Variants in CLSTN2 observed in about 807,000 individuals in gnomAD.
CLSTN2 encodes the protein calsyntenin-2.
A neutral mutation model predicts 101.2 loss-of-function variants in CLSTN2; 48 were observed. That is an observed-to-expected ratio of 0.47 (90% CI 0.38 to 0.60). The LOEUF is 0.60. Among genes scored for constraint, CLSTN2 ranks in the 20% least tolerant of loss-of-function variants. The pLI, the probability that CLSTN2 is intolerant of heterozygous loss-of-function variation, is 0.00. For missense variants in CLSTN2, 1,160 were observed against 1,238.2 expected, an observed-to-expected ratio of 0.94 and a Z score of 0.95; for synonymous variants, 481 against 463.6, an observed-to-expected ratio of 1.04 and a Z score of -0.48.
At chr3:140,245,892 A>G (rs1013891660) in intron 2 of CLSTN2, among the ~76,000 whole-genome samples, 2 of 152,176 alleles carry the variant, frequency 1.3e-5, no homozygotes, top group African/African-American at 4.8e-5. Context: ...AGTGTGGCCC[A>G]TGCTCTAGCC....
At chr3:140,459,804 C>T (rs1933516434) in intron 7 of CLSTN2, 35 bp downstream of exon 7, 1 of 1,606,500 alleles carries the variant, frequency 6.2e-7, no homozygotes, top group Non-Finnish European at 8.5e-7. Context: ...ACCCCTCCTA[C>T]CCCAGCAGCT....
chr3:140,398,365 T>C (rs2088205252), intron 2 of CLSTN2, among the ~76,000 whole-genome samples: 2 of 152,224 alleles, frequency 1.3e-5, no homozygotes, highest in African/African-American at 2.4e-5. Context: ...TTGGCTTTTT[T>C]CCCCTACATG....
intron 1 of CLSTN2, among the ~76,000 whole-genome samples, chr3:139,977,315 G>A (rs1027854852): frequency 1.7e-4 from 26 of 152,138 alleles, no homozygotes; most frequent in Admixed American, 2.0e-4. Context: ...AAGGAGGGAA[G>A]GAGAGGCCCC....
intron 2 of CLSTN2, among the ~76,000 whole-genome samples, chr3:140,397,713 A>G (rs1186194895): frequency 6.6e-6 from 1 of 152,174 alleles, no homozygotes; most frequent in African/African-American, 2.4e-5. Context: ...CCATCTCCTA[A>G]TACCTTCACT....
intron 2 of CLSTN2, among the ~76,000 whole-genome samples, chr3:140,229,888 A>T (rs879551792): frequency 5.9e-5 from 9 of 152,230 alleles, no homozygotes; most frequent in African/African-American, 2.2e-4. Context: ...AGCTTTTCTC[A>T]TACTCACAGT....
intron 2 of CLSTN2, among the ~76,000 whole-genome samples, chr3:140,325,861 A>G (rs1219603990): frequency 6.6e-6 from 1 of 152,220 alleles, no homozygotes; most frequent in Admixed American, 6.5e-5. Flanking sequence ...GCGTCAGGTT[A>G]TAAATGACCC....
At chr3:139,941,060 A>G (rs1935117910) in intron 1 of CLSTN2, among the ~76,000 whole-genome samples, 1 of 152,202 alleles carries the variant, frequency 6.6e-6, no homozygotes, top group Admixed American at 6.5e-5. Flanking sequence ...TTTTGTGATA[A>G]TACATGTTTA....
chr3:140,205,624 C>CCCG lies in CLSTN2; in HGVS notation c.232+29551_232+29552insCCG, dbSNP rs751826679. Reference sequence around the variant, plus strand: ...TGTTGTTTGGACCTGACCCGCCCCCCACCCACACACACACACAGCCACCTG... The same window carrying CCCG: ...TGTTGTTTGGACCTGACCCGCCCCCCCCGACCCACACACACACACAGCCACCTG... On this transcript the variant is annotated intron_variant, in intron 2 of 16. Coordinates refer to ENST00000458420, the MANE Select transcript of CLSTN2 (RefSeq NM_022131.3). Among the ~76,000 whole-genome samples, 4 of 108,246 alleles carry CCCG rather than the reference C, an allele frequency of 3.7e-5. 1 individual carries two copies. The highest frequency in any genetic ancestry group is 7.9e-5 in the Non-Finnish European group (4 of 50,794). 71.0% of individuals were successfully genotyped at this position (108,246 alleles called of 152,430 possible).
intron 1 of CLSTN2, among the ~76,000 whole-genome samples, chr3:140,023,480 G>T (rs2007359054): frequency 6.6e-6 from 1 of 152,188 alleles, no homozygotes; most frequent in African/African-American, 2.4e-5. Flanking sequence ...CACACACATT[G>T]AGAGCAGATG....
chr3:140,186,502 CAG>C (rs2010487381), intron 2 of CLSTN2, among the ~76,000 whole-genome samples: 1 of 152,142 alleles, frequency 6.6e-6, no homozygotes, highest in South Asian at 2.1e-4. Context: ...TTCTGCTTGG[CAG>C]AGTGTCCAGA....
chr3:140,465,027 G>T (rs781058528), intron 7 of CLSTN2, among the ~76,000 whole-genome samples: 76 of 152,226 alleles, frequency 5.0e-4, no homozygotes, highest in Middle Eastern at 3.4e-3. Context: ...ATTTGTTCTG[G>T]GCAGATGCAT....
At chr3:140,520,206 C>T (rs1441990139) in intron 8 of CLSTN2, among the ~76,000 whole-genome samples, 1 of 152,168 alleles carries the variant, frequency 6.6e-6, no homozygotes, top group Non-Finnish European at 1.5e-5. Flanking sequence ...TGTAGGTGAC[C>T]TGGCCTTTCT....
intron 1 of CLSTN2, among the ~76,000 whole-genome samples, chr3:139,984,578 T>A (rs1244363179): frequency 2.0e-5 from 3 of 152,022 alleles, no homozygotes; most frequent in Non-Finnish European, 4.4e-5. Flanking sequence ...GACACCAGAG[T>A]CTCTGTTCCT....
At chr3:140,428,147 A>G (rs1022512824) in intron 5 of CLSTN2, among the ~76,000 whole-genome samples, 3 of 152,094 alleles carry the variant, frequency 2.0e-5, no homozygotes, top group Admixed American at 2.0e-4. Flanking sequence ...TCCAGTGGCT[A>G]GTTTGGGGTT....
intron 1 of CLSTN2, among the ~76,000 whole-genome samples, chr3:140,088,753 C>A (rs1383899586): frequency 1.3e-5 from 2 of 152,212 alleles, no homozygotes; most frequent in African/African-American, 4.8e-5. Flanking sequence ...TGCCTCTCCC[C>A]TGGGTTTCTT....
intron 1 of CLSTN2, among the ~76,000 whole-genome samples, chr3:139,963,295 G>T (rs116581868): frequency 7.9e-5 from 12 of 152,206 alleles, no homozygotes; most frequent in African/African-American, 2.9e-4. Flanking sequence ...AGGTGCTCTG[G>T]TGTTTGGTTT....
chr3:140,550,974 G>C (rs969495982), intron 10 of CLSTN2, among the ~76,000 whole-genome samples: 1 of 151,846 alleles, frequency 6.6e-6, no homozygotes, highest in African/African-American at 2.4e-5. Context: ...AATTTATGGA[G>C]CACCCACTGG....
At position 140,546,533 on chromosome 3, in the gene CLSTN2, C is replaced by A. The variant is rs754018895; in HGVS notation, c.1526C>A (p.Pro509Gln). 6.8e-6 allele frequency: 11 copies of A among 1,613,770 alleles called. No individual in the cohort carries two copies. The highest frequency in any genetic ancestry group is 8.5e-6 in the Non-Finnish European group (10 of 1,179,898). Residue 509 changes from proline (P) to glutamine (Q), a missense_variant, in exon 10 of 17, where the codon CCA (proline) becomes CAA (glutamine). Pro to Gln is a moderately conservative substitution (Grantham distance 76). Transcript: ENST00000458420. Reference protein sequence around the residue: ...ACWQGGEVTKPQFAQFFHGSL... With the variant: ...ACWQGGEVTKQQFAQFFHGSL... ...TTTTCAGGAGGAGAAGTCACCAAAC[C>A]ACAGTTTGCTCAGTTCTTTCATGGA...
chr3:140,025,758 T>C (rs183381337), intron 1 of CLSTN2, among the ~76,000 whole-genome samples: 209 of 152,314 alleles, frequency 1.4e-3, no homozygotes, highest in Non-Finnish European at 2.4e-3. Flanking sequence ...TTTTGCTGAG[T>C]GTACTGCTCT....
Sources: gnomAD v4.1 joint callset for allele counts (sites outside exome capture counted in the v4.1 genomes callset) on GRCh38, gnomAD v4.1.1 for gene constraint, MANE v1.5 for transcripts, NCBI Gene and HGNC (gene_info 2026-07-23, HGNC 2026-07-21) for gene names.